Variants in STXBP5L observed in about 807,000 individuals in gnomAD.
The protein encoded by STXBP5L is syntaxin binding protein 5L.
In STXBP5L, 65 loss-of-function variants were observed where a neutral mutation model predicts 144.5. The ratio of observed to expected loss-of-function variants is 0.45; its 90% CI spans 0.37 to 0.55. The LOEUF (loss-of-function observed/expected upper bound fraction) is 0.55, where lower values mean the gene tolerates loss of function less well. Ranked by LOEUF, STXBP5L falls within the 20% of genes least tolerant of loss-of-function variation. The pLI, the probability that STXBP5L is intolerant of heterozygous loss-of-function variation, is 0.00. For synonymous variants in STXBP5L, 505 were observed against 469.6 expected, an observed-to-expected ratio of 1.08 and a Z score of -0.97; for missense variants, 1,298 against 1,405.5, an observed-to-expected ratio of 0.92 and a Z score of 1.22.
At chr3:120,977,511 G>T (rs1941206872) in intron 3 of STXBP5L, among the ~76,000 whole-genome samples, 1 of 152,158 alleles carries the variant, frequency 6.6e-6, no homozygotes, top group South Asian at 2.1e-4. Context: ...TTGGCAGTCT[G>T]TGTCTTTTAA....
intron 19 of STXBP5L, among the ~76,000 whole-genome samples, chr3:121,283,530 A>G (rs958032088): frequency 2.0e-5 from 3 of 151,974 alleles, no homozygotes; most frequent in Admixed American, 1.3e-4. Flanking sequence ...TAACTGTGAT[A>G]TTTCTTGACA....
chr3:121,259,129 A>C lies in STXBP5L; in HGVS notation c.1919A>C (p.Gln640Pro). ...GTGTGGGTAGATGGTGAACCTCCAC[A>C]ACAGATTACTAGTCTTGCTGTAAGC... is the stretch of plus-strand genomic sequence containing the variant. ...QLVWVDGEPP[Q>P]QITSLAVSSA... Residue 640 changes from glutamine (Q) to proline (P), a missense_variant, in exon 18 of 27, where the codon CAA becomes CCA. Physicochemically the swap from Gln to Pro is moderately conservative, Grantham distance 76 (BLOSUM62 -1). Transcript: ENST00000471454. 3 of 1,600,350 alleles carry C rather than the reference A, an allele frequency of 1.9e-6. No individual in the cohort carries two copies. The highest frequency in any genetic ancestry group is 2.6e-6 in the Non-Finnish European group (3 of 1,172,180).
chr3:121,301,197 T>C (rs1197933647), intron 19 of STXBP5L, among the ~76,000 whole-genome samples: 1 of 152,240 alleles, frequency 6.6e-6, no homozygotes, highest in Non-Finnish European at 1.5e-5. Flanking sequence ...TGTTCTTCCA[T>C]TTGTTTGTAT....
At chr3:121,291,276 A>G (rs573586538) in intron 19 of STXBP5L, among the ~76,000 whole-genome samples, 1 of 152,306 alleles carries the variant, frequency 6.6e-6, no homozygotes, top group African/African-American at 2.4e-5. Context: ...TGAGAATCAA[A>G]TTAAGAACTC....
chr3:120,938,804 A>G (rs529005791), intron 2 of STXBP5L, among the ~76,000 whole-genome samples: 5 of 152,270 alleles, frequency 3.3e-5, no homozygotes, highest in Admixed American at 3.3e-4. Context: ...TCTTAGAGAC[A>G]GAGGCTTGCT....
intron 3 of STXBP5L, among the ~76,000 whole-genome samples, chr3:121,030,479 T>C (rs775786429): frequency 6.6e-6 from 1 of 151,996 alleles, no homozygotes; most frequent in Non-Finnish European, 1.5e-5. Flanking sequence ...AGTTGAACAA[T>C]GAGAACACAT....
At chr3:121,407,879 A>G (rs771886642) in intron 23 of STXBP5L, among the ~76,000 whole-genome samples, 1 of 152,038 alleles carries the variant, frequency 6.6e-6, no homozygotes, top group African/African-American at 2.4e-5. Context: ...TGATTTTTCA[A>G]TCATTCAACA....
intron 3 of STXBP5L, among the ~76,000 whole-genome samples, chr3:120,981,841 A>G (rs1275611543): frequency 6.6e-6 from 1 of 152,128 alleles, no homozygotes; most frequent in Non-Finnish European, 1.5e-5. Context: ...TTGATGGGAC[A>G]TTGTTTTTCC....
intron 15 of STXBP5L, among the ~76,000 whole-genome samples, chr3:121,253,362 T>C (rs899126070): frequency 5.9e-5 from 9 of 151,874 alleles, no homozygotes; most frequent in African/African-American, 2.2e-4. Flanking sequence ...CTTCCTTCCA[T>C]ACATTTTTCT....
At chr3:121,240,110 A>G (rs925100054) in intron 13 of STXBP5L, among the ~76,000 whole-genome samples, 4 of 152,140 alleles carry the variant, frequency 2.6e-5, no homozygotes, top group Non-Finnish European at 4.4e-5. Flanking sequence ...CATAGCTTCT[A>G]TGTTAAATGG....
At chr3:121,098,600 C>T (rs1447469598) in intron 5 of STXBP5L, among the ~76,000 whole-genome samples, 1 of 152,180 alleles carries the variant, frequency 6.6e-6, no homozygotes, top group Non-Finnish European at 1.5e-5. Context: ...GGAGGGGACA[C>T]ACACTCAAAC....
intron 3 of STXBP5L, among the ~76,000 whole-genome samples, chr3:121,001,365 G>C (rs1480949564): frequency 6.6e-6 from 1 of 152,202 alleles, no homozygotes; most frequent in Non-Finnish European, 1.5e-5. Flanking sequence ...CTTGCAGAAA[G>C]GGGATACTCA....
At chr3:121,395,214 G>A (rs1458413519) in intron 22 of STXBP5L, among the ~76,000 whole-genome samples, 2 of 152,048 alleles carry the variant, frequency 1.3e-5, no homozygotes, top group African/African-American at 2.4e-5. Flanking sequence ...TAGTTTTGAG[G>A]TATTTGCAAT....
At chr3:121,232,654 T>C (rs1332780733) in intron 11 of STXBP5L, among the ~76,000 whole-genome samples, 1 of 152,148 alleles carries the variant, frequency 6.6e-6, no homozygotes, top group African/African-American at 2.4e-5. Context: ...AACTTTGTTA[T>C]TGAACTAAAC....
At chr3:121,260,209 T>A (rs1020723486) in intron 18 of STXBP5L, among the ~76,000 whole-genome samples, 2 of 152,108 alleles carry the variant, frequency 1.3e-5, no homozygotes, top group African/African-American at 4.8e-5. Context: ...AAATTGAACA[T>A]CTTTTCCTGT....
intron 3 of STXBP5L, among the ~76,000 whole-genome samples, chr3:121,032,379 A>C (rs1403816719): frequency 1.3e-5 from 2 of 152,150 alleles, no homozygotes; most frequent in African/African-American, 2.4e-5. Flanking sequence ...AAGACTGAAA[A>C]GTGATCATTG....
intron 2 of STXBP5L, among the ~76,000 whole-genome samples, chr3:120,939,614 A>G (rs1710457666): frequency 6.6e-6 from 1 of 152,202 alleles, no homozygotes; most frequent in African/African-American, 2.4e-5. Context: ...TCATGAGGGA[A>G]TCAGACGAAA....
chr3:120,912,405 T>G (rs1304311488), intron 2 of STXBP5L, among the ~76,000 whole-genome samples: 1 of 152,006 alleles, frequency 6.6e-6, no homozygotes, highest in Non-Finnish European at 1.5e-5. Flanking sequence ...GGCACACATT[T>G]GTTTCAGAAA....
At chr3:121,169,934 A>G (rs2046644132) in intron 9 of STXBP5L, among the ~76,000 whole-genome samples, 1 of 152,196 alleles carries the variant, frequency 6.6e-6, no homozygotes. Context: ...AAAATTGACC[A>G]CATAATTGGA....
Sources: allele counts gnomAD v4.1 joint callset (sites outside exome capture counted in the v4.1 genomes callset), GRCh38; gene constraint gnomAD v4.1.1; transcripts MANE v1.5; gene names NCBI Gene and HGNC (gene_info 2026-07-23, HGNC 2026-07-21).